The following BRD10 variants were observed in gnomAD, a reference collection of about 807,000 sequenced individuals.
The protein encoded by BRD10 is uncharacterized bromodomain-containing protein 10.
chr9:5,980,382 A>G, the BRD10 span, among the ~76,000 whole-genome samples: 1 of 152,186 alleles, frequency 6.6e-6, no homozygotes, highest in Admixed American at 6.5e-5. Context: ...ATCACTCGCC[A>G]TCTCCTTTAT....
the BRD10 span, among the ~76,000 whole-genome samples, chr9:5,934,507 T>G: frequency 6.6e-6 from 1 of 151,698 alleles, no homozygotes; most frequent in Admixed American, 6.6e-5. Context: ...TACAGATGCC[T>G]GCCACCACGC....
At chr9:5,907,642 T>C in the BRD10 span, among the ~76,000 whole-genome samples, 1 of 152,228 alleles carries the variant, frequency 6.6e-6, no homozygotes, top group Non-Finnish European at 1.5e-5. Context: ...CTTTTAAATG[T>C]AGCTACTAGA....
chr9:5,923,636 A>G, the BRD10 span, among the ~76,000 whole-genome samples: 1 of 152,182 alleles, frequency 6.6e-6, no homozygotes, highest in Non-Finnish European at 1.5e-5. Flanking sequence ...ATAAACAATC[A>G]GGGCTCAGAA....
At chr9:5,883,469 T>TTTC in the BRD10 span, among the ~76,000 whole-genome samples, 2 of 126,410 alleles carry the variant, frequency 1.6e-5, no homozygotes, top group Admixed American at 7.7e-5. Flanking sequence ...CTTCTTTTTT[T>TTTC]TTTTTTTTTT....
At chr9:6,008,319 G>C in the BRD10 span, 1 of 985,038 alleles carries the variant, frequency 1.0e-6, no homozygotes, top group Non-Finnish European at 1.2e-6. Context: ...GTGCACGGAC[G>C]GGGCCCGGCG....
the BRD10 span, among the ~76,000 whole-genome samples, chr9:5,996,784 AT>A: frequency 6.6e-6 from 1 of 152,238 alleles, no homozygotes; most frequent in African/African-American, 2.4e-5. Context: ...TGTGATAAGC[AT>A]TTTTAGTAAG....
chr9:5,889,189 G>T, the BRD10 span, among the ~76,000 whole-genome samples: 1 of 152,182 alleles, frequency 6.6e-6, no homozygotes, highest in Admixed American at 6.5e-5. Context: ...AAGCCCAATT[G>T]TCCATGACAG....
the BRD10 span, among the ~76,000 whole-genome samples, chr9:5,914,417 T>G: frequency 9.2e-6 from 1 of 108,710 alleles, no homozygotes; most frequent in African/African-American, 3.7e-5. Flanking sequence ...ATGGTTTTTT[T>G]TTTTTTTTTT....
the BRD10 span, among the ~76,000 whole-genome samples, chr9:5,993,312 T>TAAAAAAAAAA: frequency 8.6e-6 from 1 of 116,676 alleles, no homozygotes; most frequent in Non-Finnish European, 1.6e-5. Flanking sequence ...GAGACTCCAT[T>TAAAAAAAAAA]AAAAAAAAAA....
the BRD10 span, among the ~76,000 whole-genome samples, chr9:5,900,104 A>T: frequency 6.6e-6 from 1 of 152,224 alleles, no homozygotes; most frequent in Non-Finnish European, 1.5e-5. Flanking sequence ...TCCTAACTAT[A>T]ATTATTAGTT....
At chr9:5,921,506 G>T in the BRD10 span, 34 of 1,613,798 alleles carry the variant, frequency 2.1e-5, no homozygotes, top group Non-Finnish European at 2.6e-5. Flanking sequence ...ACCTGTAGAT[G>T]TCAGCGCAGG....
the BRD10 span, among the ~76,000 whole-genome samples, chr9:6,001,405 G>C: frequency 3.3e-5 from 5 of 152,126 alleles, no homozygotes; most frequent in African/African-American, 7.2e-5. Flanking sequence ...ATTGGCCCCA[G>C]ACTATCTTTC....
chr9:5,937,060 T>C, the BRD10 span, among the ~76,000 whole-genome samples: 1 of 151,488 alleles, frequency 6.6e-6, no homozygotes, highest in Non-Finnish European at 1.5e-5. Flanking sequence ...TGAACCCCTG[T>C]CTCTATTAAA....
chr9:6,004,936 T>C, the BRD10 span, among the ~76,000 whole-genome samples: 3 of 152,268 alleles, frequency 2.0e-5, no homozygotes, highest in Admixed American at 6.5e-5. Flanking sequence ...ATACATCAAA[T>C]ACAAAAAAGC....
chr9:5,908,932 C>T, the BRD10 span: 1 of 536,714 alleles, frequency 1.9e-6, no homozygotes, highest in Non-Finnish European at 3.3e-6. Context: ...ATAAATGTTG[C>T]AATGCATGAT....
the BRD10 span, chr9:6,007,755 C>T: frequency 2.3e-5 from 36 of 1,583,340 alleles, no homozygotes; most frequent in Non-Finnish European, 2.1e-5. Context: ...CCCCAGCCGG[C>T]TCCATCGCTC....
At chr9:5,907,959 T>G in the BRD10 span, among the ~76,000 whole-genome samples, 2 of 151,942 alleles carry the variant, frequency 1.3e-5, no homozygotes, top group Non-Finnish European at 2.9e-5. Flanking sequence ...ATCTCAAAAA[T>G]AAATAAATAA....
the BRD10 span, chr9:5,922,933 T>C: frequency 1.7e-5 from 27 of 1,613,902 alleles, no homozygotes; most frequent in Non-Finnish European, 2.2e-5. Context: ...GCAGTTGATT[T>C]GTTAAGGTCA....
chr9:5,941,675 A>C, the BRD10 span, among the ~76,000 whole-genome samples: 3 of 152,230 alleles, frequency 2.0e-5, no homozygotes, highest in East Asian at 5.8e-4. Context: ...TAAATTTTAA[A>C]ACACTAAGTC....
Sources: gnomAD v4.1 joint callset for allele counts (sites outside exome capture counted in the v4.1 genomes callset) on GRCh38, gnomAD v4.1.1 for gene constraint, MANE v1.5 for transcripts, NCBI Gene and HGNC (gene_info 2026-07-23, HGNC 2026-07-21) for gene names.